Variants in SLC25A24 observed in about 807,000 individuals in gnomAD.
SLC25A24 encodes mitochondrial adenyl nucleotide antiporter SLC25A24.
SLC25A24 carries 49 observed loss-of-function variants against 60.7 expected under a neutral mutation model. The ratio of observed to expected loss-of-function variants is 0.81; its 90% CI spans 0.64 to 1.02. The LOEUF (loss-of-function observed/expected upper bound fraction) is 1.02, where lower values mean the gene tolerates loss of function less well. Ranked by LOEUF, SLC25A24 falls within the 50% of genes least tolerant of loss-of-function variation. The probability of loss-of-function intolerance (pLI) is 0.00; values close to 1 mark genes in which losing one functional copy is unlikely to be tolerated. For missense variants in SLC25A24, 564 were observed against 586.3 expected, an observed-to-expected ratio of 0.96 and a Z score of 0.39; for synonymous variants, 202 against 200.6, an observed-to-expected ratio of 1.01 and a Z score of -0.06.
intron 3 of SLC25A24, among the ~76,000 whole-genome samples, chr1:108,163,390 T>C (rs1199562765): frequency 5.3e-5 from 8 of 150,064 alleles, no homozygotes; most frequent in Admixed American, 3.3e-4. Flanking sequence ...TTGGGCAGTA[T>C]GGCCATTTTC....
At chr1:108,148,814 T>A (rs1284264499) in intron 6 of SLC25A24, among the ~76,000 whole-genome samples, 1 of 152,216 alleles carries the variant, frequency 6.6e-6, no homozygotes, top group African/African-American at 2.4e-5. Flanking sequence ...AATCCTAGAA[T>A]ACAAATCAGC....
intron 3 of SLC25A24, among the ~76,000 whole-genome samples, chr1:108,176,090 G>A (rs1386415219): frequency 2.0e-5 from 3 of 151,960 alleles, no homozygotes; most frequent in African/African-American, 7.2e-5. Context: ...AGAAAGCTCA[G>A]CAAACTTCAA....
At chr1:108,190,058 A>G (rs1648294832) in intron 1 of SLC25A24, among the ~76,000 whole-genome samples, 1 of 152,068 alleles carries the variant, frequency 6.6e-6, no homozygotes, top group Admixed American at 6.5e-5. Flanking sequence ...TAAAAGACCA[A>G]TCAAATGAGA....
rs1679372518 is a variant in SLC25A24, at chr1:108,139,105, A to C, written c.1202T>G (p.Leu401Arg). The change falls in exon 9 of 10, where the codon CTG becomes CGG. Residue 401 changes from leucine to arginine, a missense_variant. Physicochemically the swap from Leu to Arg is moderately radical, Grantham distance 102 (BLOSUM62 -2). Coordinates refer to ENST00000565488, the MANE Select transcript of SLC25A24 (RefSeq NM_013386.5). ...CACCAAAGCCAATGGGTAGCTGGCC[A>C]GCTGACCACAGGTGCTGGATAAGGC... ...CGALSSTCGQ[L>R]ASYPLALVRT... is the part of the protein sequence containing the mutation. 1 of 1,609,542 alleles carries C rather than the reference A, an allele frequency of 6.2e-7. No individual in the cohort carries two copies. Among genetic ancestry groups the C allele is most frequent in the African/African-American group, 1.3e-5 (1 of 74,788 alleles).
In SLC25A24 at chr1:108,158,958, G is replaced by A. The variant is rs577282846; in HGVS notation, c.511-1338C>T. ...GCCGAGTTTGCAGAGAGCCGAGATC[G>A]CACCACTGCACTCTAGCCTGGGCAA... On this transcript the variant is annotated intron_variant, in intron 4 of 9. Coordinates refer to ENST00000565488, the MANE Select transcript of SLC25A24 (RefSeq NM_013386.5). Among the ~76,000 whole-genome samples, 4 of 152,134 alleles carry A rather than the reference G, an allele frequency of 2.6e-5. No homozygotes were observed. The South Asian group carries it at 8.3e-4, about 32-fold the overall frequency.
chr1:108,149,322 G>A (rs982957310), intron 6 of SLC25A24, among the ~76,000 whole-genome samples: 1 of 152,068 alleles, frequency 6.6e-6, no homozygotes, highest in Non-Finnish European at 1.5e-5. Context: ...AATAGTGACT[G>A]GCCAGTATAT....
intron 7 of SLC25A24, among the ~76,000 whole-genome samples, chr1:108,145,614 TTCAG>T (rs1383117604): frequency 6.6e-6 from 1 of 152,164 alleles, no homozygotes; most frequent in Non-Finnish European, 1.5e-5. Context: ...GGGGTCCAGT[TTCAG>T]TTTTCTGCAT....
intron 1 of SLC25A24, among the ~76,000 whole-genome samples, chr1:108,195,155 T>A (rs2101649220): frequency 6.6e-6 from 1 of 151,394 alleles, no homozygotes; most frequent in Middle Eastern, 3.4e-3. Flanking sequence ...AGCAGTGTAT[T>A]ACAGAATGTT....
chr1:108,161,094 C>A, intron 4 of SLC25A24, 88 bp downstream of exon 4: 2 of 688,126 alleles, frequency 2.9e-6, no homozygotes, highest in African/African-American at 1.8e-5. Context: ...GGTATCCTGG[C>A]CCATAAGTGT....
chr1:108,176,414 TGAA>T (rs1468967219), intron 3 of SLC25A24, among the ~76,000 whole-genome samples: 4 of 152,066 alleles, frequency 2.6e-5, no homozygotes, highest in East Asian at 1.9e-4. Context: ...TCACAGGAGT[TGAA>T]GAAGGAGAAA....
chr1:108,200,033 C>A lies in SLC25A24; in HGVS notation c.106G>T (p.Asp36Tyr), dbSNP rs1192405675. 1 of 1,610,384 alleles carries A rather than the reference C, an allele frequency of 6.2e-7. No homozygotes were observed. Among genetic ancestry groups the A allele is most frequent in the Non-Finnish European group, 8.5e-7 (1 of 1,178,828 alleles). Residue 36 changes from aspartate to tyrosine, a missense_variant, in exon 1 of 10, where the codon GAC becomes TAC. Transcript: ENST00000565488. ...TLFQALDRNG[D>Y]GVVDIGELQE... Reference sequence around the variant, plus strand: ...AGCTCGCCGATGTCCACCACTCCGTCCCCATTGCGGTCCAGTGCCTGGAAG... The same window carrying A: ...AGCTCGCCGATGTCCACCACTCCGTACCCATTGCGGTCCAGTGCCTGGAAG...
At chr1:108,159,549 G>A (rs1679998503) in intron 4 of SLC25A24, among the ~76,000 whole-genome samples, 1 of 150,384 alleles carries the variant, frequency 6.6e-6, no homozygotes, top group African/African-American at 2.4e-5. Flanking sequence ...AATAGTGGAG[G>A]GAAGGTCAGC....
chr1:108,189,726 G>A (rs1019828528), intron 1 of SLC25A24, among the ~76,000 whole-genome samples: 5 of 150,088 alleles, frequency 3.3e-5, no homozygotes, highest in Non-Finnish European at 5.9e-5. Flanking sequence ...TGAGGCACAA[G>A]AATTGCTTGA....
intron 3 of SLC25A24, among the ~76,000 whole-genome samples, chr1:108,173,959 A>G (rs1447525096): frequency 2.0e-5 from 3 of 152,200 alleles, no homozygotes; most frequent in African/African-American, 7.2e-5. Context: ...TATCAGGCAG[A>G]AGAAATTTCT....
At chr1:108,138,183 C>T (rs952201628) in intron 9 of SLC25A24, among the ~76,000 whole-genome samples, 1 of 152,184 alleles carries the variant, frequency 6.6e-6, no homozygotes, top group Non-Finnish European at 1.5e-5. Flanking sequence ...GTCTTCTCTA[C>T]TCTACACTGG....
chr1:108,191,527 CA>C (rs1417122772), intron 1 of SLC25A24, among the ~76,000 whole-genome samples: 1 of 140,056 alleles, frequency 7.1e-6, no homozygotes, highest in Non-Finnish European at 1.6e-5. Context: ...TGAATTGGTC[CA>C]CAGAAAGTAC....
At chr1:108,137,024 T>C (rs923566433) in intron 9 of SLC25A24, among the ~76,000 whole-genome samples, 187 bp from the exon 10 acceptor site, 8 of 152,208 alleles carry the variant, frequency 5.3e-5, no homozygotes, top group African/African-American at 1.4e-4. Flanking sequence ...GTCCTAACTA[T>C]AGTAATGATG....
intron 4 of SLC25A24, among the ~76,000 whole-genome samples, chr1:108,160,219 C>A (rs558706658): frequency 6.6e-6 from 1 of 150,546 alleles, no homozygotes; most frequent in African/African-American, 2.5e-5. Flanking sequence ...CGAGCAGAGG[C>A]GCTCCTCACA....
intron 4 of SLC25A24, 23 bp from the exon 5 acceptor site, chr1:108,157,643 C>T (rs1224109959): frequency 3.1e-6 from 5 of 1,597,798 alleles, no homozygotes; most frequent in African/African-American, 2.7e-5. Context: ...AAAAAAGATC[C>T]CCATGCGCCT....
Sources: allele counts gnomAD v4.1 joint callset (sites outside exome capture counted in the v4.1 genomes callset), GRCh38; gene constraint gnomAD v4.1.1; transcripts MANE v1.5; gene names NCBI Gene and HGNC (gene_info 2026-07-23, HGNC 2026-07-21).